Variants in ZNF800 observed in about 807,000 individuals in gnomAD.
ZNF800 encodes the protein zinc finger protein 800.
Under a neutral mutation model 59.5 loss-of-function variants are expected in ZNF800, and 13 were observed. That is an observed-to-expected ratio of 0.22 (90% CI 0.14 to 0.35). The LOEUF is 0.35. Among genes scored for constraint, ZNF800 ranks in the 10% least tolerant of loss-of-function variants. The pLI is 1.00. For synonymous variants in ZNF800, 266 were observed against 265.7 expected, an observed-to-expected ratio of 1.00 and a Z score of -0.01; for missense variants, 621 against 783.7, an observed-to-expected ratio of 0.79 and a Z score of 2.48.
chr7:127,366,592 C>T (rs1800511448), downstream of ZNF800, among the ~76,000 whole-genome samples: 1 of 152,180 alleles, frequency 6.6e-6, no homozygotes, highest in African/African-American at 2.4e-5. Flanking sequence ...GCTGATGCTG[C>T]ATTGACCTAA....
At chr7:127,366,403 T>C (rs1313736329), downstream of ZNF800, among the ~76,000 whole-genome samples, 2 of 152,152 alleles carry the variant, frequency 1.3e-5, no homozygotes, top group Non-Finnish European at 2.9e-5. Flanking sequence ...CAGCAGCAAC[T>C]GATGCGGTGG....
chr7:127,373,515 A>T lies in ZNF800; in HGVS notation c.1821T>A (p.Ile607=). 2 of 1,610,646 alleles carry T rather than the reference A, an allele frequency of 1.2e-6. No homozygotes were observed. Among genetic ancestry groups the T allele is most frequent in the South Asian group, 2.2e-5 (2 of 91,012 alleles). Residue 607 remains isoleucine (I), a synonymous_variant, in exon 5 of 6, where the codon ATT becomes ATA. Coordinates refer to ENST00000265827, the MANE Select transcript of ZNF800 (RefSeq NM_176814.5). ...AAAAGTTTTTTGTGACTTTTACTTCAATACCGACGTCAGCTACTTCATACT... is the reference window on the plus strand; with the variant it reads ...AAAAGTTTTTTGTGACTTTTACTTCTATACCGACGTCAGCTACTTCATACT... ...SKKYEVADVG[I]EVKVTKNFSL...
At chr7:127,357,488 T>A (rs1800294007) in intron 1 of ZNF800, among the ~76,000 whole-genome samples, 1 of 152,072 alleles carries the variant, frequency 6.6e-6, no homozygotes, top group Admixed American at 6.6e-5. Context: ...GCCAGATGGC[T>A]TTCTCCTAGT....
chr7:127,379,803 T>C (rs1476124370), intron 3 of ZNF800, among the ~76,000 whole-genome samples: 2 of 144,214 alleles, frequency 1.4e-5, no homozygotes, highest in Non-Finnish European at 3.0e-5. Flanking sequence ...CAATCTTAAT[T>C]ATCAATCACA....
intron 1 of ZNF800, chr7:127,362,904 A>G (rs543735680): frequency 6.6e-6 from 1 of 152,306 alleles, no homozygotes; most frequent in Non-Finnish European, 1.5e-5. Flanking sequence ...GTCAGTTAAG[A>G]GACTACTGCA....
At chr7:127,385,341 G>T (rs1801105483) in intron 3 of ZNF800, among the ~76,000 whole-genome samples, 1 of 152,068 alleles carries the variant, frequency 6.6e-6, no homozygotes, top group Non-Finnish European at 1.5e-5. Flanking sequence ...GTGGACAAGT[G>T]GATTATAGGA....
intron 2 of ZNF800, among the ~76,000 whole-genome samples, chr7:127,388,968 T>C (rs1801224948): frequency 6.6e-6 from 1 of 151,932 alleles, no homozygotes; most frequent in African/African-American, 2.4e-5. Flanking sequence ...CATGACCATT[T>C]AGAAAAAAAA....
downstream of ZNF800, among the ~76,000 whole-genome samples, chr7:127,369,525 T>C (rs1397698195): frequency 6.6e-6 from 1 of 152,146 alleles, no homozygotes; most frequent in Non-Finnish European, 1.5e-5. Flanking sequence ...AACAATACTT[T>C]GTGGTCACTT....
chr7:127,382,450 A>C (rs2117169022), intron 3 of ZNF800, among the ~76,000 whole-genome samples: 1 of 152,346 alleles, frequency 6.6e-6, no homozygotes, highest in Non-Finnish European at 1.5e-5. Flanking sequence ...AGGAAGGAAG[A>C]TAAACTGAAA....
chr7:127,365,920 C>T (rs146819716), downstream of ZNF800, among the ~76,000 whole-genome samples: 119 of 152,200 alleles, frequency 7.8e-4, no homozygotes, highest in African/African-American at 2.8e-3. Context: ...GTGATCACTA[C>T]GACAGTAATA....
intron 1 of ZNF800, chr7:127,361,261 G>C (rs1299083826): frequency 6.6e-6 from 1 of 152,034 alleles, no homozygotes; most frequent in Non-Finnish European, 1.5e-5. Flanking sequence ...TTAGAAAAAA[G>C]AGCACGAATT....
At chr7:127,390,882 A>G (rs886512554) in intron 2 of ZNF800, among the ~76,000 whole-genome samples, 1 of 152,224 alleles carries the variant, frequency 6.6e-6, no homozygotes, top group African/African-American at 2.4e-5. Flanking sequence ...ATTCAACTAA[A>G]GCAAGTTTCA....
chr7:127,353,790 A>C (rs1248214585), intron 1 of ZNF800, among the ~76,000 whole-genome samples: 1 of 152,182 alleles, frequency 6.6e-6, no homozygotes, highest in Non-Finnish European at 1.5e-5. Context: ...CGGTTCTGAC[A>C]GGCTCTATTT....
In ZNF800 at chr7:127,392,143, G is replaced by A; in HGVS notation, c.-142C>T. 2.5e-6 allele frequency: 1 copy of A among 394,584 alleles called. No individual in the cohort carries two copies. Among genetic ancestry groups the A allele is most frequent in the Non-Finnish European group, 4.5e-6 (1 of 223,498 alleles). The allele number at this position is 394,584 out of a possible 1,614,324, so 24.4% of individuals were successfully genotyped here. A position where few individuals can be genotyped will look rare whatever the true frequency, so the allele number is the denominator to read the frequency against. On this transcript the variant is annotated 5_prime_UTR_variant, in exon 1 of 6. Coordinates refer to ENST00000265827, the MANE Select transcript of ZNF800 (RefSeq NM_176814.5). ...GCGGGGACAGCCTGGCGTGGGAGGCGGCTGCGGGCCCCACCTGGCGCAGCC... is the reference window on the plus strand; with the variant it reads ...GCGGGGACAGCCTGGCGTGGGAGGCAGCTGCGGGCCCCACCTGGCGCAGCC...
downstream of ZNF800, among the ~76,000 whole-genome samples, chr7:127,368,987 G>A (rs1800569937): frequency 2.0e-5 from 3 of 151,688 alleles, no homozygotes; most frequent in South Asian, 6.3e-4. Context: ...ACTCTTCAAA[G>A]GTTTTCTTCT....
chr7:127,343,613 T>C (rs1471410325), downstream of ZNF800, among the ~76,000 whole-genome samples: 2 of 151,958 alleles, frequency 1.3e-5, no homozygotes, highest in African/African-American at 2.4e-5. Flanking sequence ...CCCCAAAGAA[T>C]AGGCAATTCA....
At chr7:127,343,129 A>C (rs1384911999), downstream of ZNF800, among the ~76,000 whole-genome samples, 2 of 152,070 alleles carry the variant, frequency 1.3e-5, no homozygotes, top group African/African-American at 4.8e-5. Flanking sequence ...CCTATTATTA[A>C]ATTAAAAAAT....
chr7:127,373,010 A>G, intron 5 of ZNF800: 1 of 985,272 alleles, frequency 1.0e-6, no homozygotes, highest in Non-Finnish European at 1.2e-6. Context: ...AGTTAGTTAA[A>G]CAGAAGACTT....
chr7:127,357,154 A>G (rs972815469), intron 1 of ZNF800, among the ~76,000 whole-genome samples: 8 of 152,002 alleles, frequency 5.3e-5, no homozygotes, highest in Non-Finnish European at 8.8e-5. Flanking sequence ...GCTTCATTTC[A>G]CTTTTAAGGA....
Sources: allele counts gnomAD v4.1 joint callset (sites outside exome capture counted in the v4.1 genomes callset), GRCh38; gene constraint gnomAD v4.1.1; transcripts MANE v1.5; gene names NCBI Gene and HGNC (gene_info 2026-07-23, HGNC 2026-07-21).